SNX4: variants seen among roughly 807,000 people sequenced by gnomAD.
SNX4 encodes the protein sorting nexin 4.
A neutral mutation model predicts 70.8 loss-of-function variants in SNX4; 49 were observed. That is an observed-to-expected ratio of 0.69 (90% CI 0.55 to 0.88). SNX4 has a LOEUF of 0.88. Ranked by LOEUF, SNX4 falls within the 40% of genes least tolerant of loss-of-function variation. The pLI is 0.00. For synonymous variants in SNX4, 206 were observed against 183.8 expected (o/e 1.12, Z -0.98); for missense variants, 528 against 544.8 (o/e 0.97, Z 0.31).
intron 8 of SNX4, among the ~76,000 whole-genome samples, chr3:125,475,932 C>T (rs1344909281): frequency 6.6e-6 from 1 of 151,126 alleles, no homozygotes; most frequent in East Asian, 2.0e-4. Context: ...GAGCCAAGAC[C>T]TACACCACTG....
rs1176174416 is a variant in SNX4 at position 125,489,402 on chromosome 3, C to A, written c.653+6G>T. ...CATTGTAACTGTTATTAAAACAAAA[C>A]CTTACTTGTCTGGGTTTTTCACTCT... On this transcript the variant is annotated splice_donor_region_variant and intron_variant, in intron 6 of 13. Coordinates refer to ENST00000251775, the MANE Select transcript of SNX4 (RefSeq NM_003794.4). 1 of 1,609,848 alleles carries A rather than the reference C, an allele frequency of 6.2e-7. No individual in the cohort carries two copies. The highest frequency in any genetic ancestry group is 8.5e-7 in the Non-Finnish European group (1 of 1,176,974).
intron 12 of SNX4, among the ~76,000 whole-genome samples, chr3:125,452,140 C>A (rs1266796149): frequency 2.0e-5 from 3 of 151,226 alleles, no homozygotes; most frequent in Admixed American, 6.6e-5. Flanking sequence ...AAGTCTCGCT[C>A]TGTAGCCCAG....
At position 125,497,967 on chromosome 3, in the gene SNX4, T is replaced by C; in HGVS notation, c.416A>G (p.His139Arg). The C allele has an allele frequency of 1.2e-6, 2 of 1,614,172 alleles. No homozygotes were observed. The highest frequency in any genetic ancestry group is 1.7e-6 in the Non-Finnish European group (2 of 1,180,024). ...ATCCATGTTGTCAGCAGAGAGTTTA[T>C]GCCAAACAAATTCTGCCTAGGTAAA... ...LPEKRAEFVWHKLSADNMDPD... is the reference protein window; with the variant it reads ...LPEKRAEFVWRKLSADNMDPD... The change falls in exon 4 of 14, where the codon CAT becomes CGT. Residue 139 changes from histidine (H) to arginine (R), a missense_variant. Transcript: ENST00000251775.
At chr3:125,481,069 CCT>C (rs1251430300) in intron 6 of SNX4, among the ~76,000 whole-genome samples, 1 of 152,196 alleles carries the variant, frequency 6.6e-6, no homozygotes, top group Non-Finnish European at 1.5e-5. Context: ...AATATCCACC[CCT>C]TTTATAGCCA....
intron 5 of SNX4, among the ~76,000 whole-genome samples, chr3:125,495,275 T>TACAC (rs58981797): frequency 5.7e-4 from 47 of 83,062 alleles, no homozygotes; most frequent in South Asian, 8.8e-4. Context: ...TATATATATA[T>TACAC]ATACACATAC....
chr3:125,497,317 C>T, intron 5 of SNX4, 24 bp downstream of exon 5: 1 of 1,557,486 alleles, frequency 6.4e-7, no homozygotes, highest in Non-Finnish European at 8.8e-7. Context: ...AGGAACATGG[C>T]AAATTTCATA....
intron 5 of SNX4, among the ~76,000 whole-genome samples, chr3:125,493,639 G>A (rs1245056269): frequency 1.4e-5 from 2 of 146,368 alleles, no homozygotes; most frequent in Non-Finnish European, 3.0e-5. Flanking sequence ...AAGTGACAGA[G>A]CGAGACTCCG....
At chr3:125,476,843 T>C (rs1320351536) in intron 7 of SNX4, 87 bp from the exon 8 acceptor site, 1 of 716,962 alleles carries the variant, frequency 1.4e-6, no homozygotes, top group Non-Finnish European at 2.4e-6. Context: ...AAAACATGCT[T>C]ACTACAATAA....
At chr3:125,459,639 A>G (rs920692360) in intron 10 of SNX4, among the ~76,000 whole-genome samples, 3 of 152,044 alleles carry the variant, frequency 2.0e-5, no homozygotes, top group Admixed American at 6.5e-5. Flanking sequence ...GGGTTTCACC[A>G]TGTTGGCTAG....
intron 12 of SNX4, among the ~76,000 whole-genome samples, chr3:125,452,261 A>AT (rs1933595186): frequency 6.6e-6 from 1 of 151,504 alleles, no homozygotes; most frequent in Non-Finnish European, 1.5e-5. Flanking sequence ...CACTCGGCTA[A>AT]TTTTTTGTAT....
At chr3:125,511,405 T>C (rs1460325759) in intron 1 of SNX4, among the ~76,000 whole-genome samples, 1 of 152,202 alleles carries the variant, frequency 6.6e-6, no homozygotes, top group Non-Finnish European at 1.5e-5. Context: ...AGTCATCTTA[T>C]ATTAAACTTT....
At chr3:125,450,200 A>G (rs932241421) in intron 13 of SNX4, among the ~76,000 whole-genome samples, 1 of 152,222 alleles carries the variant, frequency 6.6e-6, no homozygotes, top group Non-Finnish European at 1.5e-5. Flanking sequence ...AAACTACAAC[A>G]TACTCAACCT....
intron 9 of SNX4, among the ~76,000 whole-genome samples, chr3:125,463,004 C>A (rs1240834411): frequency 6.6e-6 from 1 of 152,170 alleles, no homozygotes. Flanking sequence ...AGGACAGGGG[C>A]TATGTGTATG....
At position 125,511,280 on chromosome 3, in the gene SNX4, T is replaced by C. The variant is rs568343502; in HGVS notation, c.142-6536A>G. 3.4e-5 allele frequency among the ~76,000 whole-genome samples: 5 copies of C among 148,300 alleles called. No individual in the cohort carries two copies. In the South Asian group the frequency reaches 8.7e-4, roughly 26 times the overall value. ...ATATGAATGATCCTCAATATTGATA[T>C]CTAATTTGGGGTTTAACCAAAATCG... On this transcript the variant is annotated intron_variant, in intron 1 of 13. Coordinates refer to ENST00000251775, the MANE Select transcript of SNX4 (RefSeq NM_003794.4).
chr3:125,458,814 CAAAAAAAAAAAAAAAAAAAAA>C (rs71148180), intron 10 of SNX4, among the ~76,000 whole-genome samples: 4 of 64,498 alleles, frequency 6.2e-5, no homozygotes, highest in South Asian at 1.7e-3. Flanking sequence ...GACTCCGTCT[CAAAAAAAAAAAAAAAAAAAAA>C]AAAAAAAAAA....
chr3:125,492,891 T>A (rs1934694663), intron 5 of SNX4, among the ~76,000 whole-genome samples: 1 of 152,186 alleles, frequency 6.6e-6, no homozygotes, highest in Non-Finnish European at 1.5e-5. Context: ...GCTCTGGTAG[T>A]CCTTGCCCCA....
intron 6 of SNX4, among the ~76,000 whole-genome samples, chr3:125,486,558 G>A (rs1458640715): frequency 1.3e-5 from 2 of 152,026 alleles, no homozygotes; most frequent in Non-Finnish European, 2.9e-5. Flanking sequence ...TCTGGGAGGC[G>A]GAGCTTGCAG....
At chr3:125,463,907 G>A (rs977414054) in intron 9 of SNX4, among the ~76,000 whole-genome samples, 2 of 151,766 alleles carry the variant, frequency 1.3e-5, no homozygotes, top group African/African-American at 4.8e-5. Flanking sequence ...TAATAGTGTC[G>A]CTTTTTAAAA....
chr3:125,492,049 A>G (rs1205801413), intron 5 of SNX4, among the ~76,000 whole-genome samples: 1 of 138,766 alleles, frequency 7.2e-6, no homozygotes, highest in African/African-American at 2.7e-5. Context: ...CAGAGTTTGC[A>G]GTGAGCCGAG....
Sources: allele counts gnomAD v4.1 joint callset (sites outside exome capture counted in the v4.1 genomes callset), GRCh38; gene constraint gnomAD v4.1.1; transcripts MANE v1.5; gene names NCBI Gene and HGNC (gene_info 2026-07-23, HGNC 2026-07-21).